Variants in WDFY3 observed in about 807,000 individuals in gnomAD.
WDFY3 encodes the protein WD repeat and FYVE domain containing 3, also known as WD repeat and FYVE domain-containing protein 3.
WDFY3 carries 66 observed loss-of-function variants against 409.6 expected under a neutral mutation model. That is an observed-to-expected ratio of 0.16 (90% CI 0.13 to 0.20). The LOEUF (loss-of-function observed/expected upper bound fraction) is 0.20. Ranked by LOEUF, WDFY3 falls within the 10% of genes least tolerant of loss-of-function variation. The pLI is 1.00. For synonymous variants in WDFY3, 1,521 were observed against 1,537.1 expected (o/e 0.99, Z 0.25); for missense variants, 3,031 against 4,298.1 (o/e 0.71, Z 8.24).
intron 1 of WDFY3, among the ~76,000 whole-genome samples, chr4:84,951,118 C>T (rs1423114066): frequency 6.6e-6 from 1 of 152,204 alleles, no homozygotes; most frequent in South Asian, 2.1e-4. Context: ...ATTTTATATT[C>T]CTATGACCCT....
At chr4:84,726,551 C>T (rs963116582) in intron 45 of WDFY3, among the ~76,000 whole-genome samples, 1 of 152,026 alleles carries the variant, frequency 6.6e-6, no homozygotes, top group African/African-American at 2.4e-5. Context: ...TACTAACATG[C>T]CTCATAATTT....
At chr4:84,849,858 G>T in intron 5 of WDFY3, 44 bp downstream of exon 5, 1 of 1,602,098 alleles carries the variant, frequency 6.2e-7, no homozygotes, top group South Asian at 1.1e-5. Flanking sequence ...AGAACTGCTT[G>T]TTCATTCAAA....
chr4:84,714,906 T>C (rs543926218), intron 50 of WDFY3, among the ~76,000 whole-genome samples: 62 of 148,510 alleles, frequency 4.2e-4, no homozygotes, highest in African/African-American at 1.4e-3. Context: ...GCTGAGATCA[T>C]GCCACTGTAC....
At chr4:84,677,841 T>A (rs1389584875) in intron 66 of WDFY3, among the ~76,000 whole-genome samples, 1 of 151,158 alleles carries the variant, frequency 6.6e-6, no homozygotes, top group African/African-American at 2.4e-5. Context: ...TGCACGCCTA[T>A]AGTCCCAGTT....
At chr4:84,804,720 T>A (rs1442345757) in intron 15 of WDFY3, among the ~76,000 whole-genome samples, 3 of 152,194 alleles carry the variant, frequency 2.0e-5, no homozygotes. Flanking sequence ...AGATTCATAA[T>A]TTATCTAGCA....
intron 3 of WDFY3, among the ~76,000 whole-genome samples, chr4:84,881,208 C>T (rs761066102): frequency 7.2e-5 from 11 of 152,088 alleles, no homozygotes; most frequent in Non-Finnish European, 1.6e-4. Flanking sequence ...CCTTCTATTT[C>T]AATCTGTGTA....
chr4:84,755,129 T>C, intron 34 of WDFY3, 137 bp downstream of exon 34: 1 of 1,268,332 alleles, frequency 7.9e-7, no homozygotes, highest in Non-Finnish European at 1.1e-6. Context: ...TATAATTTTG[T>C]CTAACATAAG....
chr4:84,679,053 AGCT>A lies in WDFY3; in HGVS notation c.10010_10012del (p.Gln3337del). On this transcript the variant is annotated inframe_deletion, in exon 65 of 68. Coordinates refer to ENST00000295888, the MANE Select transcript of WDFY3 (RefSeq NM_014991.6). Reference sequence around the variant, plus strand: ...GAAGCCGTCTTTCTCATCTAGACTGAGCTGGTCGGACCAGCGTCTGGAGTCGTC... The same window carrying A: ...GAAGCCGTCTTTCTCATCTAGACTGAGGTCGGACCAGCGTCTGGAGTCGTC... 6.2e-7 allele frequency: 1 copy of A among 1,614,166 alleles called. No individual in the cohort carries two copies. The highest frequency in any genetic ancestry group is 8.5e-7 in the Non-Finnish European group (1 of 1,180,040).
At chr4:84,931,238 A>G (rs1372146647) in intron 2 of WDFY3, among the ~76,000 whole-genome samples, 1 of 152,204 alleles carries the variant, frequency 6.6e-6, no homozygotes, top group African/African-American at 2.4e-5. Flanking sequence ...TTCAGTAGGA[A>G]TAAGTGAGAC....
At chr4:84,911,290 C>T (rs377715732) in intron 2 of WDFY3, among the ~76,000 whole-genome samples, 1 of 152,020 alleles carries the variant, frequency 6.6e-6, no homozygotes, top group South Asian at 2.1e-4. Flanking sequence ...AGTTTGAGAC[C>T]ACCCTGGAAA....
At chr4:84,694,871 C>T (rs1729836974) in intron 58 of WDFY3, among the ~76,000 whole-genome samples, 1 of 152,116 alleles carries the variant, frequency 6.6e-6, no homozygotes, top group Admixed American at 6.5e-5. Flanking sequence ...TACAGCATGT[C>T]CTGCTATCTA....
In WDFY3 at chr4:84,799,979, G is replaced by GTC. The variant is rs141953065; in HGVS notation, c.2822+1669_2822+1670dup. Among the ~76,000 whole-genome samples the GTC allele has an allele frequency of 6.7e-3, 1,017 of 151,540 alleles. 12 individuals carry two copies. The highest frequency in any genetic ancestry group is 0.021 in the African/African-American group (878 of 41,362). ...ATAGTAGCATTAGGTATGGGACAAT[G>GTC]TCTCTCTCTCTCTCTGTGTGTTTCT... On this transcript the variant is annotated intron_variant, in intron 17 of 67. Coordinates refer to ENST00000295888, the MANE Select transcript of WDFY3 (RefSeq NM_014991.6).
chr4:84,938,427 T>C (rs368996542), intron 1 of WDFY3, among the ~76,000 whole-genome samples: 3 of 152,180 alleles, frequency 2.0e-5, no homozygotes, highest in East Asian at 1.9e-4. Flanking sequence ...AATTAACAAA[T>C]AGTTCCCCTT....
At chr4:84,796,173 T>G (rs968010825) in intron 19 of WDFY3, among the ~76,000 whole-genome samples, 2 of 151,588 alleles carry the variant, frequency 1.3e-5, no homozygotes, top group African/African-American at 4.8e-5. Flanking sequence ...ACTCTGACAC[T>G]CTAGCACAAA....
intron 1 of WDFY3, among the ~76,000 whole-genome samples, chr4:84,948,756 C>T (rs1561141970): frequency 6.6e-6 from 1 of 152,142 alleles, no homozygotes; most frequent in Admixed American, 6.5e-5. Flanking sequence ...TTTTGGAGGT[C>T]CCTAGTCTGA....
In WDFY3 at chr4:84,695,479, C is replaced by G. The variant is rs867148159; in HGVS notation, c.8901+491G>C. ...TGTGTGTGTGTGTGTGTGTGTGTGT[C>G]AGACACACACACACAGAGACAGAGA... On this transcript the variant is annotated intron_variant, in intron 58 of 67. Transcript: ENST00000295888. 1.7e-3 allele frequency among the ~76,000 whole-genome samples: 160 copies of G among 91,796 alleles called. 2 individuals are homozygous for G. The highest frequency in any genetic ancestry group is 6.2e-3 in the African/African-American group (130 of 20,860). The allele number at this position is 91,796 out of a possible 152,430, so 60.2% of individuals were successfully genotyped here.
At position 84,895,492 on chromosome 4, in the gene WDFY3, G is replaced by A. The variant is rs78136708; in HGVS notation, c.-32+1419C>T. 5.0e-3 allele frequency among the ~76,000 whole-genome samples: 761 copies of A among 152,262 alleles called. 9 individuals carry two copies. Among genetic ancestry groups the A allele is most frequent in the African/African-American group, 0.017 (715 of 41,566 alleles). ...AAAGCACAAGATACGCTGCTGGGTT[G>A]GCCAAGTAGTTCTGCATAGTTGGAA... On this transcript the variant is annotated intron_variant, in intron 3 of 67. Transcript: ENST00000295888.
intron 1 of WDFY3, among the ~76,000 whole-genome samples, chr4:84,956,194 C>G (rs1202630684): frequency 2.0e-5 from 3 of 152,170 alleles, no homozygotes; most frequent in African/African-American, 7.2e-5. Flanking sequence ...ATTGGCTGAG[C>G]AGCTGGTTCA....
At chr4:84,685,639 A>G (rs1183435506) in intron 62 of WDFY3, among the ~76,000 whole-genome samples, 1 of 152,214 alleles carries the variant, frequency 6.6e-6, no homozygotes, top group African/African-American at 2.4e-5. Flanking sequence ...GCAGAGACAT[A>G]AGAAGAATTA....
Sources: gnomAD v4.1 joint callset for allele counts (sites outside exome capture counted in the v4.1 genomes callset) on GRCh38, gnomAD v4.1.1 for gene constraint, MANE v1.5 for transcripts, NCBI Gene and HGNC (gene_info 2026-07-23, HGNC 2026-07-21) for gene names.